The following CACNA2D3 variants were observed in gnomAD, a reference collection of about 807,000 sequenced individuals.
The protein encoded by CACNA2D3 is voltage-dependent calcium channel subunit alpha-2/delta-3.
CACNA2D3 carries 60 observed loss-of-function variants against 160.6 expected under a neutral mutation model. The observed-to-expected ratio is 0.37, with a 90% CI of 0.30 to 0.46. The LOEUF (loss-of-function observed/expected upper bound fraction) is 0.46, where lower values mean the gene tolerates loss of function less well. Among genes scored for constraint, CACNA2D3 ranks in the 20% least tolerant of loss-of-function variants. The pLI, the probability that CACNA2D3 is intolerant of heterozygous loss-of-function variation, is 1.00. For synonymous variants in CACNA2D3, 558 were observed against 492.9 expected (o/e 1.13, Z -1.75); for missense variants, 1,205 against 1,365.0 (o/e 0.88, Z 1.85).
chr3:54,928,059 C>T, intron 27 of CACNA2D3: 2 of 717,154 alleles, frequency 2.8e-6, no homozygotes, highest in East Asian at 2.5e-5. Flanking sequence ...ATGCAGAAAA[C>T]AGTTGTTGCT....
At chr3:54,216,026 TC>T (rs1701456713) in intron 2 of CACNA2D3, among the ~76,000 whole-genome samples, 1 of 152,116 alleles carries the variant, frequency 6.6e-6, no homozygotes, top group Non-Finnish European at 1.5e-5. Context: ...CCTGTGTTGG[TC>T]CCCCGAATTA....
At chr3:54,681,529 C>G (rs1210925331) in intron 11 of CACNA2D3, among the ~76,000 whole-genome samples, 1 of 149,080 alleles carries the variant, frequency 6.7e-6, no homozygotes, top group Non-Finnish European at 1.5e-5. Context: ...TGCACTCCAG[C>G]CTGGGCGACA....
intron 3 of CACNA2D3, among the ~76,000 whole-genome samples, chr3:54,324,374 A>G (rs915732938): frequency 6.6e-6 from 1 of 152,224 alleles, no homozygotes; most frequent in Non-Finnish European, 1.5e-5. Context: ...TGAAACCTAA[A>G]GTGGCCTGCC....
intron 4 of CACNA2D3, among the ~76,000 whole-genome samples, chr3:54,433,198 G>C (rs569627442): frequency 6.6e-6 from 1 of 152,314 alleles, no homozygotes; most frequent in African/African-American, 2.4e-5. Flanking sequence ...GCTTATTGCA[G>C]CTATGACTGG....
At chr3:54,756,813 T>C (rs926872953) in intron 12 of CACNA2D3, among the ~76,000 whole-genome samples, 5 of 152,188 alleles carry the variant, frequency 3.3e-5, no homozygotes, top group Non-Finnish European at 5.9e-5. Context: ...TGGAAATGAA[T>C]GTCTGGGGAC....
chr3:54,406,606 AC>A (rs1699581265), intron 4 of CACNA2D3, among the ~76,000 whole-genome samples: 1 of 152,166 alleles, frequency 6.6e-6, no homozygotes, highest in African/African-American at 2.4e-5. Context: ...ATCTAAAAAA[AC>A]AAAAAGTGGT....
At chr3:54,849,136 G>A (rs867356522) in intron 17 of CACNA2D3, among the ~76,000 whole-genome samples, 1 of 152,118 alleles carries the variant, frequency 6.6e-6, no homozygotes, top group Non-Finnish European at 1.5e-5. Flanking sequence ...TTGGTTCTAC[G>A]GCAAGCTTGG....
chr3:54,493,223 G>A (rs1375785588), intron 4 of CACNA2D3, among the ~76,000 whole-genome samples: 2 of 151,540 alleles, frequency 1.3e-5, no homozygotes, highest in Non-Finnish European at 2.9e-5. Context: ...GACTACAGGC[G>A]CACACTACCA....
intron 4 of CACNA2D3, among the ~76,000 whole-genome samples, chr3:54,406,271 A>G (rs1458121970): frequency 6.6e-6 from 1 of 152,150 alleles, no homozygotes; most frequent in Non-Finnish European, 1.5e-5. Flanking sequence ...ATTTTCCACA[A>G]TAGCCATGAT....
chr3:54,270,585 A>G (rs780339776), intron 2 of CACNA2D3, among the ~76,000 whole-genome samples: 4 of 152,170 alleles, frequency 2.6e-5, no homozygotes, highest in Non-Finnish European at 5.9e-5. Context: ...CCCATTTATT[A>G]TCTTACAGTT....
chr3:54,144,314 C>T (rs1699986874), intron 2 of CACNA2D3, among the ~76,000 whole-genome samples: 1 of 152,152 alleles, frequency 6.6e-6, no homozygotes, highest in Non-Finnish European at 1.5e-5. Flanking sequence ...GCCCAGGTTT[C>T]CCCCAGTGTA....
intron 25 of CACNA2D3, chr3:54,894,498 C>T: frequency 2.2e-6 from 1 of 457,070 alleles, no homozygotes; most frequent in Non-Finnish European, 4.4e-6. Context: ...TTCATACCTT[C>T]TAACCAAGCC....
intron 27 of CACNA2D3, among the ~76,000 whole-genome samples, chr3:54,945,384 C>G (rs1485924036): frequency 6.6e-6 from 1 of 152,192 alleles, no homozygotes; most frequent in East Asian, 1.9e-4. Flanking sequence ...TAGGGCCACC[C>G]TGTCTTCAAA....
chr3:54,783,718 C>G (rs1188912491), intron 13 of CACNA2D3, among the ~76,000 whole-genome samples: 3 of 152,150 alleles, frequency 2.0e-5, no homozygotes, highest in East Asian at 1.9e-4. Flanking sequence ...AGGTAGGAAA[C>G]TTTAAATTTT....
chr3:54,653,836 C>T (rs1436321081), intron 11 of CACNA2D3, among the ~76,000 whole-genome samples: 1 of 152,126 alleles, frequency 6.6e-6, no homozygotes, highest in East Asian at 1.9e-4. Flanking sequence ...GTGCTGCGGA[C>T]CTCAGAAAGC....
chr3:54,198,985 C>T (rs1701129050), intron 2 of CACNA2D3, among the ~76,000 whole-genome samples: 1 of 152,194 alleles, frequency 6.6e-6, no homozygotes, highest in Non-Finnish European at 1.5e-5. Context: ...TTCTTCCTGT[C>T]CCTATCCCTT....
At position 54,942,391 on chromosome 3, in the gene CACNA2D3, G is replaced by C. The variant is rs575316476; in HGVS notation, c.2450-26059G>C. Among the ~76,000 whole-genome samples the C allele has an allele frequency of 8.5e-5, 13 of 152,296 alleles. No individual in the cohort carries two copies. In the East Asian group the frequency reaches 2.1e-3, roughly 25 times the overall value. ...GTGGCAGCAGCCTCCACGAGAGCAT[G>C]CACACCTTCTGATTTGGGCACAGGG... On this transcript the variant is annotated intron_variant, in intron 27 of 37. Transcript: ENST00000474759.
intron 9 of CACNA2D3, among the ~76,000 whole-genome samples, chr3:54,617,591 A>C (rs548672201): frequency 1.4e-4 from 22 of 152,358 alleles, no homozygotes; most frequent in African/African-American, 5.1e-4. Flanking sequence ...TGCAAAACAA[A>C]CAAACAGGGC....
chr3:54,825,610 A>G (rs1396944532), intron 14 of CACNA2D3, among the ~76,000 whole-genome samples: 1 of 152,248 alleles, frequency 6.6e-6, no homozygotes. Flanking sequence ...AAGGCCTTGG[A>G]AGAGGCCAGC....
Sources: gnomAD v4.1 joint callset for allele counts (sites outside exome capture counted in the v4.1 genomes callset) on GRCh38, gnomAD v4.1.1 for gene constraint, MANE v1.5 for transcripts, NCBI Gene and HGNC (gene_info 2026-07-23, HGNC 2026-07-21) for gene names.